The following CIT variants were observed in gnomAD, a reference collection of about 807,000 sequenced individuals.
CIT encodes the protein citron rho-interacting serine/threonine kinase, also known as citron Rho-interacting kinase.
In CIT, 79 loss-of-function variants were observed where a neutral mutation model predicts 272.7. The observed-to-expected ratio is 0.29, with a 90% CI of 0.24 to 0.35. CIT has a LOEUF of 0.35. CIT is among the 10% of genes least tolerant of loss of function. The probability of loss-of-function intolerance (pLI) is 1.00; values close to 1 mark genes in which losing one functional copy is unlikely to be tolerated. For synonymous variants in CIT, 948 were observed against 995.6 expected (o/e 0.95, Z 0.90); for missense variants, 1,909 against 2,618.3 (o/e 0.73, Z 5.91).
chr12:119,769,707 G>A (rs1266396686), intron 18 of CIT, among the ~76,000 whole-genome samples: 1 of 152,152 alleles, frequency 6.6e-6, no homozygotes, highest in Admixed American at 6.5e-5. Context: ...GTCTTTGTGT[G>A]CAGACATATA....
At position 119,710,151 on chromosome 12, in the gene CIT, C is replaced by G; in HGVS notation, c.5071+100G>C. ...GACACAGAGATAAGAGCTACAACGG[C>G]TCCTCTCTACTATTTTGTGTTTTAC... On this transcript the variant is annotated intron_variant, in intron 39 of 47. Transcript: ENST00000392521. The surrounding 1 kb of genome is among the most constrained non-coding windows in gnomAD (Gnocchi z 5.6). The G allele has an allele frequency of 7.5e-7, 1 of 1,326,724 alleles. No individual in the cohort carries two copies. The highest frequency in any genetic ancestry group is 1.0e-6 in the Non-Finnish European group (1 of 955,576). The allele number at this position is 1,326,724 out of a possible 1,614,324, so 82.2% of individuals were successfully genotyped here. A position where few individuals can be genotyped will look rare whatever the true frequency, so the allele number is the denominator to read the frequency against.
intron 5 of CIT, among the ~76,000 whole-genome samples, chr12:119,841,366 G>T (rs946765520): frequency 6.6e-6 from 1 of 151,918 alleles, no homozygotes; most frequent in African/African-American, 2.4e-5. Context: ...GGAGAGACAG[G>T]GTTTCACCAT....
intron 7 of CIT, among the ~76,000 whole-genome samples, chr12:119,828,673 C>T (rs1315521964): frequency 6.6e-6 from 1 of 152,036 alleles, no homozygotes; most frequent in African/African-American, 2.4e-5. Flanking sequence ...AGCAATTCTC[C>T]TGCCTCAGCC....
chr12:119,854,886 G>T (rs917618924), intron 4 of CIT, among the ~76,000 whole-genome samples: 31 of 152,004 alleles, frequency 2.0e-4, no homozygotes, highest in African/African-American at 6.0e-4. Context: ...GGGAGGCGGG[G>T]TTGCAGTGAG....
intron 7 of CIT, 72 bp from the exon 8 acceptor site, chr12:119,825,440 T>G: frequency 7.2e-7 from 1 of 1,397,140 alleles, no homozygotes; most frequent in Non-Finnish European, 1.0e-6. Context: ...ACAGCCACAT[T>G]TCAGACACAA....
chr12:119,787,193 G>T (rs894325396), intron 10 of CIT, among the ~76,000 whole-genome samples: 1 of 151,890 alleles, frequency 6.6e-6, no homozygotes, highest in African/African-American at 2.4e-5. Flanking sequence ...TCAAATTCCT[G>T]GGCTCAAGCA....
At chr12:119,874,260 CAG>C (rs1188247962) in intron 2 of CIT, among the ~76,000 whole-genome samples, 1 of 152,076 alleles carries the variant, frequency 6.6e-6, no homozygotes, top group Non-Finnish European at 1.5e-5. Flanking sequence ...TTAGTAGAGA[CAG>C]GGTTTCACCA....
In CIT at chr12:119,768,428, T is replaced by A. The variant is rs563453979; in HGVS notation, c.2209-1246A>T. On this transcript the variant is annotated intron_variant, in intron 18 of 47. Coordinates refer to ENST00000392521, the MANE Select transcript of CIT (RefSeq NM_001206999.2). The surrounding 1 kb of genome is among the most constrained non-coding windows in gnomAD (Gnocchi z 4.3). ...AAGTTTTCAACTCTTTATACTATTATGAAATTTTTCTTTGAAGTGGAAGCA... is the reference window on the plus strand; with the variant it reads ...AAGTTTTCAACTCTTTATACTATTAAGAAATTTTTCTTTGAAGTGGAAGCA... Among the ~76,000 whole-genome samples the A allele has an allele frequency of 3.9e-5, 6 of 152,300 alleles. No individual in the cohort carries two copies. The South Asian group carries it at 1.2e-3, about 32-fold the overall frequency.
chr12:119,710,979 C>T lies in CIT; in HGVS notation c.4855-359G>A. On this transcript the variant is annotated intron_variant, in intron 37 of 47. Transcript: ENST00000392521. The surrounding 1 kb of genome is among the most constrained non-coding windows in gnomAD (Gnocchi z 5.6). ...AAGACACATGAAAGACTCCTTCCCCCATAAGGCTGCAGCAGAAGTGCAAAG... is the reference window on the plus strand; with the variant it reads ...AAGACACATGAAAGACTCCTTCCCCTATAAGGCTGCAGCAGAAGTGCAAAG... 4.0e-6 allele frequency: 5 copies of T among 1,253,538 alleles called. No homozygotes were observed. The highest frequency in any genetic ancestry group is 2.3e-5 in the South Asian group (2 of 85,630). The allele number at this position is 1,253,538 out of a possible 1,614,324, so 77.7% of individuals were successfully genotyped here.
chr12:119,830,655 G>C (rs556902376), intron 7 of CIT, among the ~76,000 whole-genome samples: 1 of 152,162 alleles, frequency 6.6e-6, no homozygotes, highest in Admixed American at 6.5e-5. Context: ...GCAATGTCTA[G>C]AGACATTTTT....
rs564243515 is a variant in CIT at position 119,863,515 on chromosome 12, T to G, written c.238+5545A>C. Among the ~76,000 whole-genome samples, 31 of 137,014 alleles carry G rather than the reference T, an allele frequency of 2.3e-4. No individual in the cohort carries two copies. In the South Asian group the frequency reaches 4.3e-3, roughly 19 times the overall value. The allele number at this position is 137,014 out of a possible 152,430, so 89.9% of individuals were successfully genotyped here. A position where few individuals can be genotyped will look rare whatever the true frequency, so the allele number is the denominator to read the frequency against. On this transcript the variant is annotated intron_variant, in intron 3 of 47. Coordinates refer to ENST00000392521, the MANE Select transcript of CIT (RefSeq NM_001206999.2). ...TTTACCCATGAACCTAAAATAAAAG[T>G]TTTTTTTTGTTTTTTTTGTTTGTTT...
chr12:119,814,151 T>G (rs1966925809), intron 9 of CIT, among the ~76,000 whole-genome samples: 1 of 152,218 alleles, frequency 6.6e-6, no homozygotes, highest in Non-Finnish European at 1.5e-5. Flanking sequence ...TAGAATAAGT[T>G]GCCCTCAATT....
intron 26 of CIT, 69 bp from the exon 27 acceptor site, chr12:119,730,699 C>T (rs867397795): frequency 1.7e-5 from 27 of 1,546,026 alleles, no homozygotes; most frequent in Middle Eastern, 4.3e-4. Flanking sequence ...AAGGCTGGTC[C>T]GTCTCTAATC....
intron 46 of CIT, among the ~76,000 whole-genome samples, chr12:119,691,622 C>A (rs986919806): frequency 5.9e-5 from 9 of 152,150 alleles, no homozygotes; most frequent in Non-Finnish European, 1.2e-4. Context: ...TAATTAGTAA[C>A]CAAGCAGTTG....
At chr12:119,812,449 T>C (rs911935506) in intron 9 of CIT, among the ~76,000 whole-genome samples, 1 of 152,064 alleles carries the variant, frequency 6.6e-6, no homozygotes, top group Non-Finnish European at 1.5e-5. Context: ...CTCCAACTTT[T>C]TTTTTTTAGA....
chr12:119,865,864 CAA>C (rs11366591), intron 3 of CIT, among the ~76,000 whole-genome samples: 4,442 of 91,436 alleles, frequency 0.049, 87 homozygotes, highest in African/African-American at 0.063. Flanking sequence ...AGCAAGACTC[CAA>C]AAAAAAAAAA....
intron 19 of CIT, among the ~76,000 whole-genome samples, chr12:119,763,547 G>GA: frequency 6.6e-6 from 1 of 152,080 alleles, no homozygotes; most frequent in Non-Finnish European, 1.5e-5. Flanking sequence ...TTCTTTTACT[G>GA]AAAAACAACC....
At chr12:119,862,804 T>TGTATCA (rs1950383118) in intron 3 of CIT, among the ~76,000 whole-genome samples, 2 of 30,436 alleles carry the variant, frequency 6.6e-5, no homozygotes, top group African/African-American at 3.7e-4. Flanking sequence ...AGCAAGACTC[T>TGTATCA]ACCTAAAAAA....
At chr12:119,862,985 A>G (rs1285439780) in intron 3 of CIT, among the ~76,000 whole-genome samples, 3 of 149,992 alleles carry the variant, frequency 2.0e-5, no homozygotes, top group African/African-American at 7.3e-5. Flanking sequence ...CCGGCGGATC[A>G]CAAGGTCAAG....
Sources: gnomAD v4.1 joint callset for allele counts (sites outside exome capture counted in the v4.1 genomes callset) on GRCh38, gnomAD v4.1.1 for gene constraint, Gnocchi (gnomAD v3.1) non-coding constraint, MANE v1.5 for transcripts, NCBI Gene and HGNC (gene_info 2026-07-23, HGNC 2026-07-21) for gene names.